Variants in ENTPD3 observed in about 807,000 individuals in gnomAD.
ENTPD3 encodes the protein ectonucleoside triphosphate diphosphohydrolase 3.
ENTPD3 carries 60 observed loss-of-function variants against 51.2 expected under a neutral mutation model. The observed-to-expected ratio is 1.17, with a 90% CI of 0.95 to 1.45. The LOEUF is 1.45. ENTPD3 is among the 40% of genes most tolerant of loss of function. The pLI, the probability that ENTPD3 is intolerant of heterozygous loss-of-function variation, is 0.00. For synonymous variants in ENTPD3, 221 were observed against 238.4 expected, an observed-to-expected ratio of 0.93 and a Z score of 0.67; for missense variants, 593 against 641.1, an observed-to-expected ratio of 0.93 and a Z score of 0.81.
At chr3:40,406,202 C>T (rs1955491743) in intron 4 of ENTPD3, among the ~76,000 whole-genome samples, 1 of 152,066 alleles carries the variant, frequency 6.6e-6, no homozygotes, top group Non-Finnish European at 1.5e-5. Context: ...TGATATGAGA[C>T]AATGGGCCAT....
At position 40,409,049 on chromosome 3, in the gene ENTPD3, T is replaced by G. The variant is rs988192851; in HGVS notation, c.287-2763T>G. ...AAGTGGATCAGCTGAAGTCAGGAGT[T>G]TGAGACCAGCCTGGCCAACATGGTG... is the stretch of plus-strand genomic sequence containing the variant. On this transcript the variant is annotated intron_variant, in intron 4 of 10. Coordinates refer to ENST00000301825, the MANE Select transcript of ENTPD3 (RefSeq NM_001248.4). Among the ~76,000 whole-genome samples the G allele has an allele frequency of 2.3e-4, 35 of 152,028 alleles. 3 individuals are homozygous for G. Among genetic ancestry groups the G allele is most frequent in the Non-Finnish European group, 2.9e-5 (2 of 68,016 alleles).
chr3:40,393,368 T>C (rs1231499386), intron 3 of ENTPD3, among the ~76,000 whole-genome samples: 5 of 152,236 alleles, frequency 3.3e-5, no homozygotes, highest in African/African-American at 9.6e-5. Context: ...TCAGCCATGT[T>C]CTTTGAATCT....
intron 10 of ENTPD3, 128 bp downstream of exon 10, chr3:40,424,091 T>C: frequency 2.0e-6 from 3 of 1,504,314 alleles, no homozygotes; most frequent in Non-Finnish European, 2.7e-6. Flanking sequence ...CTGATCAGAC[T>C]GATCCCTTGT....
chr3:40,402,258 A>T (rs1199029217), intron 4 of ENTPD3, among the ~76,000 whole-genome samples: 2 of 151,256 alleles, frequency 1.3e-5, no homozygotes, highest in East Asian at 3.9e-4. Flanking sequence ...AGCCGGGATT[A>T]CAGGTGCCTG....
At chr3:40,394,984 A>T (rs1281171745) in intron 3 of ENTPD3, among the ~76,000 whole-genome samples, 1 of 152,176 alleles carries the variant, frequency 6.6e-6, no homozygotes, top group African/African-American at 2.4e-5. Flanking sequence ...CCAAGACTTC[A>T]GAATCTAGGG....
At chr3:40,395,312 T>C (rs1007525680) in intron 3 of ENTPD3, among the ~76,000 whole-genome samples, 3 of 152,208 alleles carry the variant, frequency 2.0e-5, no homozygotes, top group African/African-American at 7.2e-5. Context: ...AGGAATCAGA[T>C]GGAAGACTAG....
intron 4 of ENTPD3, among the ~76,000 whole-genome samples, chr3:40,408,058 A>G (rs1190301453): frequency 6.6e-6 from 1 of 152,202 alleles, no homozygotes; most frequent in Non-Finnish European, 1.5e-5. Context: ...ATCCAAAATA[A>G]GAGACCTACT....
intron 4 of ENTPD3, among the ~76,000 whole-genome samples, chr3:40,406,387 T>C (rs1955497925): frequency 6.6e-6 from 1 of 152,208 alleles, no homozygotes; most frequent in African/African-American, 2.4e-5. Flanking sequence ...ACTTGAGGTG[T>C]CCTAAGGGTT....
At chr3:40,391,477 G>C (rs1232172297) in intron 2 of ENTPD3, 1 of 151,692 alleles carries the variant, frequency 6.6e-6, no homozygotes, top group African/African-American at 2.4e-5. Flanking sequence ...AGGAGTTCGA[G>C]ACCAGCCTGG....
In ENTPD3 at chr3:40,388,041, T is replaced by C; in HGVS notation, c.-12-5T>C. On this transcript the variant is annotated splice_region_variant and splice_polypyrimidine_tract_variant and intron_variant, in intron 1 of 10. Coordinates refer to ENST00000301825, the MANE Select transcript of ENTPD3 (RefSeq NM_001248.4). ...TACTGACATCCTGTATTCTCTCACC[T>C]GCAGCTAGGAGAAAAGATGTTCACT... 1 of 1,613,688 alleles carries C rather than the reference T, an allele frequency of 6.2e-7. No individual in the cohort carries two copies. The highest frequency in any genetic ancestry group is 1.1e-5 in the South Asian group (1 of 91,058).
At chr3:40,406,528 G>T (rs924227868) in intron 4 of ENTPD3, among the ~76,000 whole-genome samples, 1 of 152,202 alleles carries the variant, frequency 6.6e-6, no homozygotes, top group Non-Finnish European at 1.5e-5. Flanking sequence ...CGTAGTCAGG[G>T]GCTAAGATTG....
At position 40,423,343 on chromosome 3, in the gene ENTPD3, T is replaced by C. The variant is rs763538396; in HGVS notation, c.1157T>C (p.Phe386Ser). The C allele has an allele frequency of 2.5e-6, 4 of 1,614,022 alleles. No individual in the cohort carries two copies. The South Asian group carries it at 3.3e-5, about 13-fold the overall frequency. The change falls in exon 9 of 11, where the codon TTT becomes TCT. Residue 386 changes from phenylalanine (F) to serine (S), a missense_variant. Coordinates refer to ENST00000301825, the MANE Select transcript of ENTPD3 (RefSeq NM_001248.4). ...AGTGCTTTAAATCTTTCAGGTAGCT[T>C]TTCCCTGGACACCTTCAACTCCAGC... ...TASALNLSGS[F>S]SLDTFNSSTW...
At chr3:40,426,270 G>C (rs6767610) in intron 10 of ENTPD3, among the ~76,000 whole-genome samples, 24,063 of 151,712 alleles carry the variant, frequency 0.16, 5,386 homozygotes, top group African/African-American at 0.5. Context: ...CATCATGCCT[G>C]GCTAATTTTT....
intron 10 of ENTPD3, among the ~76,000 whole-genome samples, chr3:40,425,471 A>T (rs186869074): frequency 4.2e-4 from 64 of 152,298 alleles, no homozygotes; most frequent in Admixed American, 3.6e-3. Context: ...AAAAGACTTG[A>T]GAAGATTTGC....
intron 10 of ENTPD3, 185 bp downstream of exon 10, chr3:40,424,148 G>C (rs1014933947): frequency 3.0e-6 from 3 of 985,248 alleles, no homozygotes; most frequent in Non-Finnish European, 3.6e-6. Flanking sequence ...GTTGCTCATG[G>C]GTATACATTC....
At chr3:40,417,435 G>A (rs904216757) in intron 7 of ENTPD3, among the ~76,000 whole-genome samples, 3 of 152,056 alleles carry the variant, frequency 2.0e-5, no homozygotes, top group Admixed American at 1.3e-4. Context: ...AGAGTGAAGC[G>A]GAAGGTGCCA....
chr3:40,402,125 T>G (rs866951972), intron 4 of ENTPD3, among the ~76,000 whole-genome samples: 2 of 107,532 alleles, frequency 1.9e-5, no homozygotes, highest in African/African-American at 6.0e-5. Context: ...TTTTTTTTCT[T>G]TTTTTTTTTT....
intron 4 of ENTPD3, among the ~76,000 whole-genome samples, chr3:40,410,526 A>T (rs1161785235): frequency 6.6e-6 from 1 of 152,124 alleles, no homozygotes; most frequent in African/African-American, 2.4e-5. Flanking sequence ...CATTGATGAT[A>T]ACAGCACAAA....
intron 9 of ENTPD3, among the ~76,000 whole-genome samples, 198 bp downstream of exon 9, chr3:40,423,599 T>C (rs971204770): frequency 1.3e-5 from 2 of 152,244 alleles, no homozygotes; most frequent in African/African-American, 4.8e-5. Flanking sequence ...GTTAGAACAA[T>C]ATTTGGCATA....
Sources: allele counts gnomAD v4.1 joint callset (sites outside exome capture counted in the v4.1 genomes callset), GRCh38; gene constraint gnomAD v4.1.1; transcripts MANE v1.5; gene names NCBI Gene and HGNC (gene_info 2026-07-23, HGNC 2026-07-21).